The following DGKK variants were observed in gnomAD, a reference collection of about 807,000 sequenced individuals.
The protein encoded by DGKK is diacylglycerol kinase kappa.
In DGKK, 35 loss-of-function variants were observed where a neutral mutation model predicts 92.2. That is an observed-to-expected ratio of 0.38 (90% CI 0.29 to 0.50). The LOEUF (loss-of-function observed/expected upper bound fraction) is 0.50. DGKK is among the 20% of genes least tolerant of loss of function. The pLI, the probability that DGKK is intolerant of heterozygous loss-of-function variation, is 0.92. For missense variants in DGKK, 910 were observed against 992.2 expected, an observed-to-expected ratio of 0.92 and a Z score of 1.11; for synonymous variants, 368 against 360.6, an observed-to-expected ratio of 1.02 and a Z score of -0.23.
At chrX:50,467,744 A>T (rs1225922540) in intron 1 of DGKK, among the ~76,000 whole-genome samples, 1 of 112,692 alleles carries the variant, frequency 8.9e-6, no homozygotes, top group East Asian at 2.8e-4. Context: ...TCTGAGGAAG[A>T]TGCAGGAGAG....
chrX:50,379,768 C>A, intron 19 of DGKK, 34 bp from the exon 20 acceptor site: 2 of 1,105,300 alleles, frequency 1.8e-6, no homozygotes, highest in African/African-American at 3.6e-5. Context: ...TTAGCTGGAT[C>A]TTTAGATAGC....
Position 50,470,661 on chromosome X carries a change from G to A in DGKK, c.18C>T (p.Ala6=). 3.6e-6 allele frequency: 4 copies of A among 1,116,528 alleles called. No individual in the cohort carries two copies. Among genetic ancestry groups the A allele is most frequent in the Non-Finnish European group, 2.3e-6 (2 of 856,121 alleles). The allele number at this position is 1,116,528 out of a possible 1,213,427, so 92.0% of individuals were successfully genotyped here. MDRGA[A]AAQGTAPPQD... ...GAGGCGGGGCAGTGCCCTGGGCTGC[G>A]GCAGCTCCGCGGTCCATGGCCGCAC... is the stretch of plus-strand genomic sequence containing the variant. The change falls in exon 1 of 28, where the codon GCC becomes GCT. Residue 6 remains alanine, a synonymous_variant. Coordinates refer to ENST00000611977, the MANE Select transcript of DGKK (RefSeq NM_001013742.4).
intron 8 of DGKK, among the ~76,000 whole-genome samples, chrX:50,393,734 G>A (rs1557225820): frequency 2.7e-5 from 3 of 112,059 alleles, no homozygotes. Context: ...TGAGAACCCA[G>A]GAGGAAGACC....
chrX:50,465,050 T>A (rs1285958247), intron 1 of DGKK, among the ~76,000 whole-genome samples: 2 of 111,902 alleles, frequency 1.8e-5, no homozygotes, highest in Non-Finnish European at 1.9e-5. Context: ...TTGGGGGACC[T>A]TCCCTTTATT....
Position 50,458,630 on chromosome X carries a change from A to G in DGKK, c.645+11404T>C, listed in dbSNP as rs1926669606. Among the ~76,000 whole-genome samples, 3 of 110,482 alleles carry G rather than the reference A, an allele frequency of 2.7e-5. No individual in the cohort carries two copies. In the South Asian group the frequency reaches 1.2e-3, roughly 43 times the overall value. On this transcript the variant is annotated intron_variant, in intron 1 of 27. Coordinates refer to ENST00000611977, the MANE Select transcript of DGKK (RefSeq NM_001013742.4). ...TTTTAATTATATGCCCCATCAGCCA[A>G]CCCTCCACTTCAGCCATGTTATACT...
At chrX:50,389,022 T>C (rs1489196530) in intron 12 of DGKK, among the ~76,000 whole-genome samples, 1 of 111,899 alleles carries the variant, frequency 8.9e-6, no homozygotes, top group Admixed American at 9.5e-5. Flanking sequence ...TATATAGTAC[T>C]GACTATGTGC....
intron 1 of DGKK, among the ~76,000 whole-genome samples, chrX:50,439,214 G>A (rs781935373): frequency 1.8e-5 from 2 of 111,637 alleles, no homozygotes; most frequent in Non-Finnish European, 3.8e-5. Context: ...GAAATACACT[G>A]AGGATTCTTA....
chrX:50,387,480 C>T (rs1424743764), intron 14 of DGKK, 74 bp downstream of exon 14: 7 of 757,696 alleles, frequency 9.2e-6, no homozygotes, highest in Non-Finnish European at 1.4e-5. Flanking sequence ...CAGTGAGAGG[C>T]ATGTTTGCTT....
intron 4 of DGKK, among the ~76,000 whole-genome samples, chrX:50,407,255 C>T (rs1366318636): frequency 1.8e-5 from 2 of 111,764 alleles, no homozygotes; most frequent in Admixed American, 1.9e-4. Context: ...GGAAGTGATA[C>T]ACTGAGGAAA....
intron 14 of DGKK, among the ~76,000 whole-genome samples, chrX:50,387,092 C>G (rs193041052): frequency 1.8e-5 from 2 of 111,439 alleles, no homozygotes; most frequent in African/African-American, 6.5e-5. Context: ...AGTTTCTTAA[C>G]CGCTTTGTGC....
rs2147137060 is a variant in DGKK, at chrX:50,422,493, C to G, written c.790G>C (p.Ala264Pro). The change falls in exon 3 of 28, where the codon GCC becomes CCC. Residue 264 changes from alanine (A) to proline (P), a missense_variant. Transcript: ENST00000611977. ...AHFETIDLSQ[A>P]TVAESSCRNL... Reference sequence around the variant, plus strand: ...CTACAGCTGCTTTCTGCCACAGTGGCTTGAGACAGATCAATCGTTTCAAAG... The same window carrying G: ...CTACAGCTGCTTTCTGCCACAGTGGGTTGAGACAGATCAATCGTTTCAAAG... 1 of 1,205,306 alleles carries G rather than the reference C, an allele frequency of 8.3e-7. No homozygotes were observed. The highest frequency in any genetic ancestry group is 1.8e-5 in the South Asian group (1 of 55,898).
At chrX:50,399,254 G>T (rs1371202403) in intron 8 of DGKK, among the ~76,000 whole-genome samples, 1 of 111,757 alleles carries the variant, frequency 8.9e-6, no homozygotes, top group Non-Finnish European at 1.9e-5. Context: ...GTGTGTGTGT[G>T]TGTGTGTACG....
intron 4 of DGKK, among the ~76,000 whole-genome samples, chrX:50,413,092 G>A (rs187731048): frequency 1.8e-5 from 2 of 110,622 alleles, no homozygotes; most frequent in East Asian, 5.7e-4. Context: ...GTTTCATCCC[G>A]AAGCCCCCCT....
chrX:50,420,580 C>T, intron 3 of DGKK, 73 bp from the exon 4 acceptor site: 3 of 906,812 alleles, frequency 3.3e-6, no homozygotes, highest in South Asian at 2.2e-5. Flanking sequence ...TGTGAACTCT[C>T]TAAGAAACTA....
At chrX:50,464,499 C>T (rs1229150929) in intron 1 of DGKK, among the ~76,000 whole-genome samples, 4 of 109,426 alleles carry the variant, frequency 3.7e-5, no homozygotes, top group Admixed American at 2.0e-4. Context: ...GGGGAGGATT[C>T]GTAAATTTCA....
intron 18 of DGKK, among the ~76,000 whole-genome samples, chrX:50,381,535 G>A (rs1924415494): frequency 9.0e-6 from 1 of 111,647 alleles, no homozygotes; most frequent in African/African-American, 3.3e-5. Flanking sequence ...ATATCCACAG[G>A]CAAAAAGATA....
At chrX:50,468,703 T>C (rs1926972273) in intron 1 of DGKK, among the ~76,000 whole-genome samples, 1 of 111,423 alleles carries the variant, frequency 9.0e-6, no homozygotes, top group African/African-American at 3.3e-5. Context: ...AAGCAACCAA[T>C]GCTTCCATTT....
At chrX:50,412,569 A>C (rs782793767) in intron 4 of DGKK, among the ~76,000 whole-genome samples, 25 of 112,509 alleles carry the variant, frequency 2.2e-4, no homozygotes, top group African/African-American at 7.8e-4. Context: ...CAAAGCTGGA[A>C]GCATCACACT....
chrX:50,419,296 T>C (rs1450800256), intron 4 of DGKK, among the ~76,000 whole-genome samples: 2 of 111,502 alleles, frequency 1.8e-5, no homozygotes, highest in Non-Finnish European at 3.8e-5. Flanking sequence ...ATCATTGCTA[T>C]AGGGAGGAGA....
Sources: gnomAD v4.1 joint callset for allele counts (sites outside exome capture counted in the v4.1 genomes callset) on GRCh38, gnomAD v4.1.1 for gene constraint, MANE v1.5 for transcripts, NCBI Gene and HGNC (gene_info 2026-07-23, HGNC 2026-07-21) for gene names.